CHN2: variants seen among roughly 807,000 people sequenced by gnomAD.
CHN2 encodes the protein chimerin 2.
Under a neutral mutation model 56.3 loss-of-function variants are expected in CHN2, and 35 were observed. That is an observed-to-expected ratio of 0.62 (90% CI 0.47 to 0.82). The LOEUF (loss-of-function observed/expected upper bound fraction) is 0.82, where lower values mean the gene tolerates loss of function less well. Ranked by LOEUF, CHN2 falls within the 40% of genes least tolerant of loss-of-function variation. CHN2 has a pLI of 0.00. For missense variants in CHN2, 491 were observed against 580.5 expected (o/e 0.85, Z 1.58); for synonymous variants, 210 against 212.8 (o/e 0.99, Z 0.12).
chr7:29,324,726 T>A (rs1795669934), intron 1 of CHN2, among the ~76,000 whole-genome samples: 1 of 152,146 alleles, frequency 6.6e-6, no homozygotes, highest in South Asian at 2.1e-4. Flanking sequence ...TCTAATATAT[T>A]AACCACCCCC....
At chr7:29,422,437 T>C (rs2128106600) in intron 6 of CHN2, among the ~76,000 whole-genome samples, 1 of 152,352 alleles carries the variant, frequency 6.6e-6, no homozygotes, top group South Asian at 2.1e-4. Context: ...TGATGTTTCC[T>C]GCATGATCAA....
chr7:29,296,376 T>C (rs13236919), intron 1 of CHN2, among the ~76,000 whole-genome samples: 83,671 of 151,998 alleles, frequency 0.55, 23,302 homozygotes, highest in East Asian at 0.68. Context: ...TGAGCCACCA[T>C]GCCCAGCCGT....
At position 29,231,636 on chromosome 7, in the gene CHN2, G is replaced by A. The variant is rs562595452; in HGVS notation, c.49+36646G>A. ...AAAAAAAAGTTAGTACTGCACTTTT[G>A]GGGGTGGATGTTTTCCAACTTATTT... On this transcript the variant is annotated intron_variant, in intron 1 of 12. Coordinates refer to ENST00000222792, the MANE Select transcript of CHN2 (RefSeq NM_004067.4). Among the ~76,000 whole-genome samples, 188 of 152,260 alleles carry A rather than the reference G, an allele frequency of 1.2e-3. 1 individual carries two copies. The highest frequency in any genetic ancestry group is 4.4e-3 in the African/African-American group (181 of 41,560).
rs1290907993 is a variant in CHN2 at position 29,195,051 on chromosome 7, C to A, written c.49+61C>A. The stretch of plus-strand genomic sequence containing the variant: ...GGGTCTCGCCCCACTGCCCTCGCCC[C>A]GCAGCCTGGGATGGACAGAGCCTAC... On this transcript the variant is annotated intron_variant, in intron 1 of 12. Transcript: ENST00000222792. 1.2e-5 allele frequency: 19 copies of A among 1,532,002 alleles called. No homozygotes were observed. In the Admixed American group the frequency reaches 3.1e-4, roughly 25 times the overall value. 94.9% of individuals were successfully genotyped at this position (1,532,002 alleles called of 1,614,324 possible). A position where few individuals can be genotyped will look rare whatever the true frequency, so the allele number is the denominator to read the frequency against.
At chr7:29,269,205 C>A (rs1294938146) in intron 1 of CHN2, among the ~76,000 whole-genome samples, 1 of 152,182 alleles carries the variant, frequency 6.6e-6, no homozygotes, top group Non-Finnish European at 1.5e-5. Flanking sequence ...TCCCCTCTCC[C>A]CACTACTCTG....
intron 1 of CHN2, among the ~76,000 whole-genome samples, chr7:29,326,752 T>G (rs1354457041): frequency 6.6e-6 from 1 of 152,190 alleles, no homozygotes; most frequent in Non-Finnish European, 1.5e-5. Flanking sequence ...TTGAGCTCCT[T>G]GAGAGCAGGG....
chr7:29,406,497 G>C (rs1802660237), intron 6 of CHN2, among the ~76,000 whole-genome samples: 1 of 152,164 alleles, frequency 6.6e-6, no homozygotes, highest in African/African-American at 2.4e-5. Flanking sequence ...CTGGCAGCCT[G>C]TGGAGTCCAG....
intron 6 of CHN2, among the ~76,000 whole-genome samples, chr7:29,412,320 C>CCT (rs1803297906): frequency 2.9e-5 from 2 of 69,510 alleles, no homozygotes; most frequent in Non-Finnish European, 5.3e-5. Context: ...GCTAAAGAGT[C>CCT]TTTTTTTTTT....
chr7:29,219,066 C>T lies in CHN2; in HGVS notation c.49+24076C>T, dbSNP rs774644581. ...GGCTCTGTCGGAGACTGATGCAGTG[C>T]GTATTATAAATCCTGAATCACGAGG... On this transcript the variant is annotated intron_variant, in intron 1 of 12. Transcript: ENST00000222792. Among the ~76,000 whole-genome samples the T allele has an allele frequency of 5.3e-5, 8 of 152,202 alleles. No homozygotes were observed. The South Asian group carries it at 8.3e-4, about 16-fold the overall frequency.
intron 1 of CHN2, among the ~76,000 whole-genome samples, chr7:29,271,207 A>C (rs1562880045): frequency 6.6e-6 from 1 of 152,190 alleles, no homozygotes; most frequent in Non-Finnish European, 1.5e-5. Flanking sequence ...AGCCTGATTT[A>C]ACTTTGGCTG....
At chr7:29,389,781 C>T (rs556500556) in intron 3 of CHN2, among the ~76,000 whole-genome samples, 4 of 152,174 alleles carry the variant, frequency 2.6e-5, no homozygotes, top group East Asian at 1.9e-4. Flanking sequence ...CGGCCAGGCA[C>T]GGTGGCTCAT....
intron 6 of CHN2, 192 bp from the exon 7 acceptor site, chr7:29,480,087 G>A (rs2128541378): frequency 6.4e-7 from 1 of 1,550,952 alleles, no homozygotes; most frequent in Non-Finnish European, 8.7e-7. Flanking sequence ...AGAGCAAACT[G>A]GAAAGAGCTG....
At chr7:29,384,496 G>A (rs1483762478) in intron 3 of CHN2, among the ~76,000 whole-genome samples, 1 of 152,066 alleles carries the variant, frequency 6.6e-6, no homozygotes, top group African/African-American at 2.4e-5. Context: ...GTTAAATGTT[G>A]GCTCCTCCTC....
chr7:29,395,432 G>GGTGGGAC (rs758348110), intron 4 of CHN2, among the ~76,000 whole-genome samples: 14 of 152,134 alleles, frequency 9.2e-5, no homozygotes, highest in Admixed American at 1.3e-4. Flanking sequence ...ACAGGTGGGA[G>GGTGGGAC]GTGGGAGGAT....
At chr7:29,226,640 A>C (rs1989984) in intron 1 of CHN2, among the ~76,000 whole-genome samples, 1 of 152,232 alleles carries the variant, frequency 6.6e-6, no homozygotes, top group East Asian at 1.9e-4. Flanking sequence ...AATCAAAATC[A>C]AAATCCATTT....
intron 9 of CHN2, among the ~76,000 whole-genome samples, chr7:29,504,269 T>C (rs894390112): frequency 6.6e-6 from 1 of 152,202 alleles, no homozygotes; most frequent in Admixed American, 6.5e-5. Flanking sequence ...GTACCCCATT[T>C]GCGCTGCTGT....
At chr7:29,465,310 C>T (rs1350551901) in intron 6 of CHN2, among the ~76,000 whole-genome samples, 1 of 152,214 alleles carries the variant, frequency 6.6e-6, no homozygotes, top group East Asian at 1.9e-4. Flanking sequence ...CTTAGCTAAA[C>T]TCAAATGTCA....
chr7:29,165,537 CT>C (rs1336606349), intron 2 of CHN2, among the ~76,000 whole-genome samples: 27 of 151,838 alleles, frequency 1.8e-4, no homozygotes, highest in African/African-American at 5.6e-4. Context: ...ACCTGTATGC[CT>C]TTGTTATTTC....
chr7:29,303,117 T>A (rs1228052830), intron 1 of CHN2, among the ~76,000 whole-genome samples: 2 of 152,248 alleles, frequency 1.3e-5, no homozygotes, highest in African/African-American at 4.8e-5. Flanking sequence ...GCGTTGATGC[T>A]GGCGTCTGTT....
Sources: allele counts gnomAD v4.1 joint callset (sites outside exome capture counted in the v4.1 genomes callset), GRCh38; gene constraint gnomAD v4.1.1; transcripts MANE v1.5; gene names NCBI Gene and HGNC (gene_info 2026-07-23, HGNC 2026-07-21).